The following ZC3H11A variants were observed in gnomAD, a reference collection of about 807,000 sequenced individuals.
ZC3H11A encodes the protein zinc finger CCCH domain-containing protein 11A.
A neutral mutation model predicts 90.8 loss-of-function variants in ZC3H11A; 22 were observed. That is an observed-to-expected ratio of 0.24 (90% CI 0.17 to 0.35). ZC3H11A has a LOEUF of 0.35. Among genes scored for constraint, ZC3H11A ranks in the 10% least tolerant of loss-of-function variants. ZC3H11A has a pLI of 1.00. For synonymous variants in ZC3H11A, 294 were observed against 339.8 expected (o/e 0.87, Z 1.48); for missense variants, 701 against 964.9 (o/e 0.73, Z 3.62).
At chr1:203,806,223 C>G (rs1355853758) in intron 2 of ZC3H11A, 1 of 386,894 alleles carries the variant, frequency 2.6e-6, no homozygotes, top group Non-Finnish European at 5.0e-6. Context: ...TCAGGCTGGG[C>G]AGCGGAGCCT....
At chr1:203,808,511 T>C (rs939628652) in intron 2 of ZC3H11A, among the ~76,000 whole-genome samples, 1 of 152,226 alleles carries the variant, frequency 6.6e-6, no homozygotes, top group Admixed American at 6.5e-5. Context: ...AATGTTCTTA[T>C]ATTGTTTCTT....
chr1:203,800,116 C>G, intron 1 of ZC3H11A: 1 of 1,536,100 alleles, frequency 6.5e-7, no homozygotes, highest in Non-Finnish European at 8.7e-7. Flanking sequence ...TCTGCTGTAG[C>G]AGTTGTGGAT....
chr1:203,816,298 A>C (rs1676342260), intron 2 of ZC3H11A, among the ~76,000 whole-genome samples: 2 of 152,156 alleles, frequency 1.3e-5, no homozygotes, highest in South Asian at 2.1e-4. Flanking sequence ...GTAGGCAAAA[A>C]TACATATATA....
At position 203,818,103 on chromosome 1, in the gene ZC3H11A, A is replaced by G. The variant is rs563831767; in HGVS notation, c.55-467A>G. Among the ~76,000 whole-genome samples, 14 of 152,242 alleles carry G rather than the reference A, an allele frequency of 9.2e-5. No individual in the cohort carries two copies. The East Asian group carries it at 2.7e-3, about 29-fold the overall frequency. ...AAGCTGTGATAATTTTATCTTACCT[A>G]TAGCAGTTTGCACAACAGTAGCGTT... On this transcript the variant is annotated intron_variant, in intron 3 of 17. Coordinates refer to ENST00000367210, the MANE Select transcript of ZC3H11A (RefSeq NM_001376342.1).
At chr1:203,835,777 T>C in intron 10 of ZC3H11A, 1 of 240,262 alleles carries the variant, frequency 4.2e-6, no homozygotes. Context: ...TAAGCACATC[T>C]CTTGCCCAAA....
chr1:203,818,852 G>A (rs1223432331), intron 4 of ZC3H11A, among the ~76,000 whole-genome samples, 163 bp downstream of exon 4: 1 of 151,766 alleles, frequency 6.6e-6, no homozygotes, highest in African/African-American at 2.4e-5. Context: ...GGTAGATCAT[G>A]AGGTCAGGAG....
intron 1 of ZC3H11A, chr1:203,800,433 C>A: frequency 6.9e-7 from 1 of 1,451,388 alleles, no homozygotes; most frequent in Non-Finnish European, 9.2e-7. Flanking sequence ...TGAAGTTGTT[C>A]AAAGCAGTGA....
chr1:203,814,595 C>G (rs915377485), intron 2 of ZC3H11A, among the ~76,000 whole-genome samples: 2 of 152,152 alleles, frequency 1.3e-5, no homozygotes, highest in Non-Finnish European at 2.9e-5. Context: ...TGAAACCTCA[C>G]CATAAGTACC....
In ZC3H11A at chr1:203,837,958, C is replaced by T; in HGVS notation, c.875-8C>T. 1 of 1,606,970 alleles carries T rather than the reference C, an allele frequency of 6.2e-7. No homozygotes were observed. The highest frequency in any genetic ancestry group is 1.3e-5 in the African/African-American group (1 of 74,650). On this transcript the variant is annotated splice_polypyrimidine_tract_variant and splice_region_variant and intron_variant, in intron 10 of 17. Coordinates refer to ENST00000367210, the MANE Select transcript of ZC3H11A (RefSeq NM_001376342.1). ...TGAAATCTTAAACTAAGTTCTCCCT[C>T]TTTATAGGCGGTGACAGTGATCCTC...
intron 1 of ZC3H11A, chr1:203,800,696 A>G (rs1382441941): frequency 2.8e-6 from 1 of 354,600 alleles, no homozygotes; most frequent in African/African-American, 2.1e-5. Context: ...AATGAGAGAG[A>G]AGATATTTTT....
chr1:203,807,887 A>G (rs1004939709), intron 2 of ZC3H11A, among the ~76,000 whole-genome samples: 1 of 151,886 alleles, frequency 6.6e-6, no homozygotes, highest in East Asian at 1.9e-4. Context: ...GAGTAAAGAC[A>G]TGTGCCACCA....
chr1:203,810,505 C>A (rs1674061266), intron 2 of ZC3H11A, among the ~76,000 whole-genome samples: 1 of 151,118 alleles, frequency 6.6e-6, no homozygotes, highest in Admixed American at 6.6e-5. Flanking sequence ...CTGCAACCTG[C>A]ACCTCTGGGG....
At position 203,797,721 on chromosome 1, in the gene ZC3H11A, G is replaced by A. The variant is rs910540096; in HGVS notation, c.-1588+1927G>A. The A allele has an allele frequency of 1.3e-4, 193 of 1,535,104 alleles. No homozygotes were observed. Among genetic ancestry groups the A allele is most frequent in the Non-Finnish European group, 1.6e-4 (188 of 1,146,764 alleles). On this transcript the variant is annotated intron_variant, in intron 1 of 17. Coordinates refer to ENST00000367210, the MANE Select transcript of ZC3H11A (RefSeq NM_001376342.1). ...GCCTGCTAAAAAGAAAAGAAAGAAGGGTTTGCGAATTAAGGGGAAAAGGCG... is the reference window on the plus strand; with the variant it reads ...GCCTGCTAAAAAGAAAAGAAAGAAGAGTTTGCGAATTAAGGGGAAAAGGCG...
At chr1:203,804,150 GTGT>G (rs1558093761) in intron 2 of ZC3H11A, among the ~76,000 whole-genome samples, 1 of 131,016 alleles carries the variant, frequency 7.6e-6, no homozygotes. Flanking sequence ...TCCTGTATAT[GTGT>G]TTTTTTTTTT....
At chr1:203,833,364 C>CAAAA (rs34277550) in intron 9 of ZC3H11A, among the ~76,000 whole-genome samples, 5 of 71,140 alleles carry the variant, frequency 7.0e-5, no homozygotes, top group African/African-American at 1.7e-4. Flanking sequence ...GACTCTGTCT[C>CAAAA]AAAAAAAAAA....
intron 4 of ZC3H11A, among the ~76,000 whole-genome samples, chr1:203,822,409 C>T (rs1679079511): frequency 6.6e-6 from 1 of 151,906 alleles, no homozygotes; most frequent in Non-Finnish European, 1.5e-5. Flanking sequence ...CCTGCTTGGA[C>T]CCCAACATCC....
chr1:203,809,172 G>GTTTT lies in ZC3H11A; in HGVS notation c.-146+6174_-146+6177dup, dbSNP rs33926996. On this transcript the variant is annotated intron_variant, in intron 2 of 17. Transcript: ENST00000367210. ...TTTGAAGCTTTGTTTTCTTCTCACT[G>GTTTT]TTTTTTTTTTTTTTTTTTTTTGAGA... Among the ~76,000 whole-genome samples the GTTTT allele has an allele frequency of 4.9e-3, 409 of 83,242 alleles. 19 individuals are homozygous for GTTTT. The highest frequency in any genetic ancestry group is 0.026 in the East Asian group (64 of 2,496). The allele number at this position is 83,242 out of a possible 152,430, so 54.6% of individuals were successfully genotyped here.
chr1:203,798,546 C>G, intron 1 of ZC3H11A: 1 of 1,536,120 alleles, frequency 6.5e-7, no homozygotes, highest in Non-Finnish European at 8.7e-7. Context: ...GAGAAGTGAT[C>G]TCTTGAGTGA....
chr1:203,835,369 C>T (rs1182207710), intron 10 of ZC3H11A, among the ~76,000 whole-genome samples: 1 of 152,042 alleles, frequency 6.6e-6, no homozygotes, highest in African/African-American at 2.4e-5. Context: ...AATAACTTGC[C>T]TAAGGTTATA....
Sources: gnomAD v4.1 joint callset for allele counts (sites outside exome capture counted in the v4.1 genomes callset) on GRCh38, gnomAD v4.1.1 for gene constraint, MANE v1.5 for transcripts, NCBI Gene and HGNC (gene_info 2026-07-23, HGNC 2026-07-21) for gene names.